The following RBFOX1 variants were observed in gnomAD, a reference collection of about 807,000 sequenced individuals.
RBFOX1 encodes the protein RNA binding protein fox-1 homolog 1.
In RBFOX1, 8 loss-of-function variants were observed where a neutral mutation model predicts 57.7. That is an observed-to-expected ratio of 0.14 (90% CI 0.08 to 0.25). RBFOX1 has a LOEUF of 0.25. RBFOX1 is among the 10% of genes least tolerant of loss of function. The pLI is 1.00. For missense variants in RBFOX1, 611 were observed against 548.5 expected, an observed-to-expected ratio of 1.11 and a Z score of -1.14; for synonymous variants, 326 against 222.4, an observed-to-expected ratio of 1.47 and a Z score of -4.15.
In RBFOX1 at chr16:7,519,776, T is replaced by G. The variant is rs1344441499; in HGVS notation, c.270+1387T>G. ...AGGAAAGCAAGTATTTGTGAAGGAG[T>G]TTATGGCTTTGAAGCATGATACATT... On this transcript the variant is annotated intron_variant, in intron 5 of 15. Transcript: ENST00000550418. The G allele has an allele frequency of 3.2e-6, 3 of 925,324 alleles. No homozygotes were observed. The African/African-American group carries it at 5.4e-5, about 17-fold the overall frequency. 57.3% of individuals were successfully genotyped at this position (925,324 alleles called of 1,614,324 possible). A position where few individuals can be genotyped will look rare whatever the true frequency, so the allele number is the denominator to read the frequency against.
intron 4 of RBFOX1, among the ~76,000 whole-genome samples, chr16:7,172,878 G>A (rs1019158907): frequency 6.6e-6 from 1 of 152,142 alleles, no homozygotes; most frequent in African/African-American, 2.4e-5. Context: ...GCCTCAATTT[G>A]AAACTGACCT....
intron 2 of RBFOX1, among the ~76,000 whole-genome samples, chr16:5,528,545 C>CTT (rs755227280): frequency 1.7e-4 from 20 of 115,264 alleles, no homozygotes; most frequent in Non-Finnish European, 2.0e-4. Flanking sequence ...GACAGCTCTT[C>CTT]TTTTTTTTTT....
intron 6 of RBFOX1, among the ~76,000 whole-genome samples, 171 bp from the exon 7 acceptor site, chr16:7,587,076 T>C (rs550392533): frequency 7.9e-5 from 12 of 152,272 alleles, no homozygotes; most frequent in African/African-American, 2.9e-4. Context: ...AAGGAGAAAA[T>C]ATGGGTGGTT....
At chr16:7,490,694 A>T (rs756008335) in intron 4 of RBFOX1, among the ~76,000 whole-genome samples, 1 of 152,210 alleles carries the variant, frequency 6.6e-6, no homozygotes, top group South Asian at 2.1e-4. Flanking sequence ...GTCCAAGTTC[A>T]ACTCTGGTTG....
At chr16:6,802,533 C>T (rs947123936) in intron 3 of RBFOX1, among the ~76,000 whole-genome samples, 8 of 152,030 alleles carry the variant, frequency 5.3e-5, no homozygotes, top group African/African-American at 1.7e-4. Flanking sequence ...AAAAGTTACT[C>T]GGGCATGGTG....
chr16:5,978,558 G>C (rs2060112323), intron 4 of RBFOX1, among the ~76,000 whole-genome samples: 1 of 151,940 alleles, frequency 6.6e-6, no homozygotes, highest in Non-Finnish European at 1.5e-5. Context: ...TTAATCACCT[G>C]TTTCTATTCC....
At chr16:6,692,567 C>G (rs2060353075) in intron 3 of RBFOX1, among the ~76,000 whole-genome samples, 2 of 152,260 alleles carry the variant, frequency 1.3e-5, no homozygotes, top group South Asian at 4.1e-4. Context: ...GTTGATTCAC[C>G]TACACTCTAG....
intron 3 of RBFOX1, among the ~76,000 whole-genome samples, chr16:6,901,361 A>C (rs940717515): frequency 6.6e-6 from 1 of 152,156 alleles, no homozygotes; most frequent in Non-Finnish European, 1.5e-5. Flanking sequence ...CCACCTAGCA[A>C]GGCCAGGGGT....
chr16:7,706,668 C>T (rs897423579), intron 14 of RBFOX1, among the ~76,000 whole-genome samples: 4 of 152,178 alleles, frequency 2.6e-5, no homozygotes, highest in African/African-American at 9.6e-5. Flanking sequence ...TCAAGGATTT[C>T]AGTTTGCCTC....
intron 2 of RBFOX1, among the ~76,000 whole-genome samples, chr16:6,364,489 T>G (rs2089207181): frequency 6.6e-6 from 1 of 152,146 alleles, no homozygotes; most frequent in African/African-American, 2.4e-5. Flanking sequence ...GCAGACCTCA[T>G]CTGTTCTCTG....
At chr16:5,358,756 G>A (rs775434405) in intron 1 of RBFOX1, among the ~76,000 whole-genome samples, 15 of 152,194 alleles carry the variant, frequency 9.9e-5, no homozygotes, top group Middle Eastern at 3.2e-3. Context: ...GAACCTGGGA[G>A]GCAAAGGTTG....
At chr16:6,790,159 T>G (rs972865690) in intron 3 of RBFOX1, among the ~76,000 whole-genome samples, 2 of 108,950 alleles carry the variant, frequency 1.8e-5, no homozygotes, top group Admixed American at 1.0e-4. Flanking sequence ...ATTCTGGATT[T>G]TATTTTATTC....
intron 4 of RBFOX1, among the ~76,000 whole-genome samples, chr16:7,316,331 A>G (rs1032740740): frequency 1.1e-4 from 17 of 152,224 alleles, no homozygotes; most frequent in Admixed American, 9.8e-4. Flanking sequence ...ACCTGTTTGT[A>G]TAATCTTCCT....
At chr16:7,151,539 AC>A (rs1218304794) in intron 4 of RBFOX1, among the ~76,000 whole-genome samples, 1 of 152,094 alleles carries the variant, frequency 6.6e-6, no homozygotes, top group African/African-American at 2.4e-5. Context: ...GCACTCCCCA[AC>A]CTTTTTGGCA....
chr16:6,159,076 ATTTTTAT>A (rs538817593), intron 1 of RBFOX1, among the ~76,000 whole-genome samples: 7 of 151,412 alleles, frequency 4.6e-5, no homozygotes, highest in Admixed American at 1.3e-4. Context: ...CTAATTTTTT[ATTTTTAT>A]TTTTTATTTT....
chr16:5,416,707 C>G (rs1345352026), intron 1 of RBFOX1, among the ~76,000 whole-genome samples: 1 of 150,892 alleles, frequency 6.6e-6, no homozygotes, highest in African/African-American at 2.4e-5. Flanking sequence ...TGGTCGTCTT[C>G]AAGATTTTCT....
At chr16:6,964,883 C>T (rs999962739) in intron 3 of RBFOX1, among the ~76,000 whole-genome samples, 1 of 152,170 alleles carries the variant, frequency 6.6e-6, no homozygotes, top group Non-Finnish European at 1.5e-5. Context: ...GCAAGTCACT[C>T]CTTAACCTCC....
intron 3 of RBFOX1, among the ~76,000 whole-genome samples, chr16:5,701,033 G>A (rs1296076040): frequency 6.6e-6 from 1 of 152,198 alleles, no homozygotes; most frequent in Non-Finnish European, 1.5e-5. Context: ...CAAATATGCT[G>A]TGTTCTTGAT....
In RBFOX1 at chr16:5,873,778, G is replaced by A. The variant is rs932578020; in HGVS notation, c.351+6443G>A. Among the ~76,000 whole-genome samples, 10 of 152,226 alleles carry A rather than the reference G, an allele frequency of 6.6e-5. 1 individual carries two copies. The highest frequency in any genetic ancestry group is 3.9e-4 in the Admixed American group (6 of 15,276). ...ACATATTTGGTAAGTTCTGGATCTC[G>A]GTTAAAACATAAATGAGTCTAGATA... On this transcript the variant is annotated intron_variant, in intron 4 of 19. Transcript: ENST00000641259.
Sources: gnomAD v4.1 joint callset for allele counts (sites outside exome capture counted in the v4.1 genomes callset) on GRCh38, gnomAD v4.1.1 for gene constraint, MANE v1.5 for transcripts, NCBI Gene and HGNC (gene_info 2026-07-23, HGNC 2026-07-21) for gene names.